The following RPS6KA2 variants were observed in gnomAD, a reference collection of about 807,000 sequenced individuals.
RPS6KA2 encodes the protein ribosomal protein S6 kinase alpha-2.
Under a neutral mutation model 91.8 loss-of-function variants are expected in RPS6KA2, and 42 were observed. The ratio of observed to expected loss-of-function variants is 0.46; its 90% confidence interval spans 0.36 to 0.59. The LOEUF (loss-of-function observed/expected upper bound fraction) is 0.59. Among genes scored for constraint, RPS6KA2 ranks in the 20% least tolerant of loss-of-function variants. The probability of loss-of-function intolerance (pLI) is 0.00; values close to 1 mark genes in which losing one functional copy is unlikely to be tolerated. For missense variants in RPS6KA2, 798 were observed against 978.5 expected (o/e 0.82, Z 2.46); for synonymous variants, 414 against 393.6 (o/e 1.05, Z -0.61).
rs923573222 is a variant in RPS6KA2 at position 166,500,024 on chromosome 6, G to A, written c.604+863C>T. 2.0e-5 allele frequency among the ~76,000 whole-genome samples: 3 copies of A among 152,216 alleles called. No homozygotes were observed. The highest frequency in any genetic ancestry group is 4.8e-5 in the African/African-American group (2 of 41,452). On this transcript the variant is annotated intron_variant, in intron 7 of 20. Coordinates refer to ENST00000265678, the MANE Select transcript of RPS6KA2 (RefSeq NM_021135.6). This position sits in a 1 kb window ranked among gnomAD's most constrained non-coding sequence, Gnocchi z 4.3. ...CAAGGGTCTTCAGGTTAGGAAGGGA[G>A]GCAAGATGCAGTCAGAGAGCTTGGA...
At chr6:166,624,547 CT>C (rs1786764354) in intron 1 of RPS6KA2, among the ~76,000 whole-genome samples, 1 of 152,198 alleles carries the variant, frequency 6.6e-6, no homozygotes, top group South Asian at 2.1e-4. Flanking sequence ...ACAAAGTCAG[CT>C]GCTTGTGAGA....
In RPS6KA2 at chr6:166,587,666, T is replaced by TTA. The variant is rs1554232139; in HGVS notation, c.99+39253_99+39254dup. Among the ~76,000 whole-genome samples, 521 of 148,996 alleles carry TTA rather than the reference T, an allele frequency of 3.5e-3. 5 individuals carry two copies. In the East Asian group the frequency reaches 0.049, roughly 14 times the overall value. On this transcript the variant is annotated intron_variant, in intron 1 of 20. Coordinates refer to ENST00000265678, the MANE Select transcript of RPS6KA2 (RefSeq NM_021135.6). The stretch of plus-strand genomic sequence containing the variant: ...AAAGCAAACCAGCATAAAATAAATA[T>TTA]TATATATATATATACACACACAAAA...
chr6:166,469,134 A>G (rs1179445836), intron 11 of RPS6KA2, among the ~76,000 whole-genome samples: 2 of 152,210 alleles, frequency 1.3e-5, no homozygotes, highest in African/African-American at 4.8e-5. Flanking sequence ...GACGCGTCAG[A>G]CGCTGACTGC....
At chr6:166,764,554 G>A (rs759610777) in intron 2 of RPS6KA2, among the ~76,000 whole-genome samples, 12 of 152,116 alleles carry the variant, frequency 7.9e-5, no homozygotes, top group Admixed American at 2.6e-4. Context: ...AGGCCATGCC[G>A]CAGGCCTAGA....
At chr6:166,827,008 T>C (rs1780062657) in intron 2 of RPS6KA2, among the ~76,000 whole-genome samples, 3 of 152,098 alleles carry the variant, frequency 2.0e-5, no homozygotes, top group Admixed American at 1.3e-4. Flanking sequence ...TTGTGGTTAG[T>C]AAGGGTAGGG....
chr6:166,446,362 C>T (rs1381609071), intron 14 of RPS6KA2, among the ~76,000 whole-genome samples: 4 of 152,208 alleles, frequency 2.6e-5, no homozygotes, highest in Non-Finnish European at 5.9e-5. Context: ...ATTTATGCAT[C>T]TTCCAGACTA....
intron 14 of RPS6KA2, among the ~76,000 whole-genome samples, chr6:166,444,555 A>T (rs1367869960): frequency 6.6e-6 from 1 of 152,232 alleles, no homozygotes; most frequent in Non-Finnish European, 1.5e-5. Context: ...AGCTTTTCTC[A>T]TTCAACCATC....
chr6:166,477,350 C>T (rs984329903), intron 10 of RPS6KA2, among the ~76,000 whole-genome samples: 3 of 152,144 alleles, frequency 2.0e-5, no homozygotes, highest in African/African-American at 7.2e-5. Flanking sequence ...TATCTTTTAA[C>T]CAATACTCAT....
At chr6:166,862,423 C>A in exon 1 of RPS6KA2, 1 of 1,335,358 alleles carries the variant, frequency 7.5e-7, no homozygotes, top group Non-Finnish European at 9.7e-7. Context: ...CCCTGCCAAG[C>A]CAGGGCTCTG....
At chr6:166,813,829 A>C (rs1196943319) in intron 2 of RPS6KA2, among the ~76,000 whole-genome samples, 1 of 152,200 alleles carries the variant, frequency 6.6e-6, no homozygotes, top group Non-Finnish European at 1.5e-5. Flanking sequence ...TCAAAATTGT[A>C]ACTGGATATA....
At chr6:166,655,558 C>A (rs996503195) in intron 2 of RPS6KA2, among the ~76,000 whole-genome samples, 2 of 152,220 alleles carry the variant, frequency 1.3e-5, no homozygotes, top group African/African-American at 4.8e-5. Flanking sequence ...GCTGGTGGAT[C>A]TGAGACAGAG....
chr6:166,665,894 G>T lies in RPS6KA2; in HGVS notation c.124-127110C>A, dbSNP rs1466868519. Among the ~76,000 whole-genome samples, 2 of 152,154 alleles carry T rather than the reference G, an allele frequency of 1.3e-5. No individual in the cohort carries two copies. The highest frequency in any genetic ancestry group is 2.9e-5 in the Non-Finnish European group (2 of 68,034). On this transcript the variant is annotated intron_variant, in intron 2 of 21. Coordinates refer to the RPS6KA2 transcript ENST00000503859. This position sits in a 1 kb window ranked among gnomAD's most constrained non-coding sequence, Gnocchi z 4.5. Reference sequence around the variant, plus strand: ...CAGCACGGCCCCCAGCCTGCTTCCTGGGCAGGAAATTCACATGTGAAATCC... The same window carrying T: ...CAGCACGGCCCCCAGCCTGCTTCCTTGGCAGGAAATTCACATGTGAAATCC...
At chr6:166,862,282 G>A (rs1781065254) in exon 1 of RPS6KA2, 2 of 1,582,366 alleles carry the variant, frequency 1.3e-6, no homozygotes, top group African/African-American at 1.3e-5. Flanking sequence ...GCCAAGGGAC[G>A]CAGAGGCCGG....
intron 2 of RPS6KA2, among the ~76,000 whole-genome samples, chr6:166,764,926 C>A (rs1778269917): frequency 6.6e-6 from 1 of 152,250 alleles, no homozygotes; most frequent in African/African-American, 2.4e-5. Flanking sequence ...ACTTTGGCAG[C>A]CTTGACGTTA....
At chr6:166,573,647 C>A (rs1784754864) in intron 1 of RPS6KA2, among the ~76,000 whole-genome samples, 1 of 152,246 alleles carries the variant, frequency 6.6e-6, no homozygotes, top group South Asian at 2.1e-4. Flanking sequence ...TCCGGCCTCA[C>A]CGGCCTTTGC....
chr6:166,431,627 G>T (rs1189186146), intron 15 of RPS6KA2, among the ~76,000 whole-genome samples: 1 of 151,958 alleles, frequency 6.6e-6, no homozygotes, highest in East Asian at 1.9e-4. Flanking sequence ...TTTATGTTTC[G>T]ATTTTTTGAG....
At chr6:166,598,629 C>T (rs966454030) in intron 1 of RPS6KA2, among the ~76,000 whole-genome samples, 2 of 152,176 alleles carry the variant, frequency 1.3e-5, no homozygotes, top group African/African-American at 4.8e-5. Context: ...GGTAGACGCT[C>T]TAAACATTTT....
chr6:166,754,873 G>T (rs993161787), intron 2 of RPS6KA2, among the ~76,000 whole-genome samples: 3 of 152,162 alleles, frequency 2.0e-5, no homozygotes, highest in Non-Finnish European at 4.4e-5. Context: ...TGCCCAGGGC[G>T]GCGGGTTCAG....
rs1225386430 is a variant in RPS6KA2 at position 166,821,403 on chromosome 6, T to C, written c.123+36797A>G. Among the ~76,000 whole-genome samples, 1 of 152,012 alleles carries C rather than the reference T, an allele frequency of 6.6e-6. No individual in the cohort carries two copies. Among genetic ancestry groups the C allele is most frequent in the Non-Finnish European group, 1.5e-5 (1 of 67,990 alleles). On this transcript the variant is annotated intron_variant, in intron 2 of 21. Coordinates refer to the RPS6KA2 transcript ENST00000503859. This position sits in a 1 kb window ranked among gnomAD's most constrained non-coding sequence, Gnocchi z 4.1. ...GGTGCGCTTCACATGCGTGGGGCTG[T>C]AGGATGGAGGGGTGGAGAGGCAGGC...
Sources: allele counts gnomAD v4.1 joint callset (sites outside exome capture counted in the v4.1 genomes callset), GRCh38; gene constraint gnomAD v4.1.1; non-coding constraint Gnocchi (gnomAD v3.1); transcripts MANE v1.5; gene names NCBI Gene and HGNC (gene_info 2026-07-23, HGNC 2026-07-21).